Variants in SHQ1 observed in about 807,000 individuals in gnomAD.
The protein encoded by SHQ1 is protein SHQ1 homolog.
A neutral mutation model predicts 53.8 loss-of-function variants in SHQ1; 49 were observed. The ratio of observed to expected loss-of-function variants is 0.91; its 90% CI spans 0.72 to 1.16. SHQ1 has a LOEUF of 1.16. SHQ1 is among the 50% of genes most tolerant of loss of function. The pLI, the probability that SHQ1 is intolerant of heterozygous loss-of-function variation, is 0.00. For missense variants in SHQ1, 738 were observed against 683.1 expected (o/e 1.08, Z -0.90); for synonymous variants, 243 against 251.0 (o/e 0.97, Z 0.30).
At chr3:72,782,051 C>G (rs1011968250) in intron 10 of SHQ1, among the ~76,000 whole-genome samples, 4 of 152,026 alleles carry the variant, frequency 2.6e-5, no homozygotes, top group African/African-American at 4.8e-5. Context: ...CAGGAAAAGA[C>G]AGTAAGACAA....
At position 72,841,110 on chromosome 3, in the gene SHQ1, C is replaced by G; in HGVS notation, c.421G>C (p.Ala141Pro). Residue 141 changes from alanine (A) to proline (P), a missense_variant, in exon 4 of 11, where the codon GCT (alanine) becomes CCT (proline). Ala to Pro is a conservative substitution (Grantham distance 27). Coordinates refer to ENST00000325599, the MANE Select transcript of SHQ1 (RefSeq NM_018130.3). ...CCATAGTGGCACTGCGGATTCAAAG[C>G]ACTTTCTGATACCTCTTCACAGGGT... is the stretch of plus-strand genomic sequence containing the variant. ...QTPCEEVSES[A>P]LNPQCHYGFG... The G allele has an allele frequency of 6.2e-7, 1 of 1,614,066 alleles. No homozygotes were observed. Among genetic ancestry groups the G allele is most frequent in the Non-Finnish European group, 8.5e-7 (1 of 1,179,990 alleles).
At chr3:72,797,368 TC>T (rs1185860078) in intron 9 of SHQ1, among the ~76,000 whole-genome samples, 2 of 152,202 alleles carry the variant, frequency 1.3e-5, no homozygotes, top group Non-Finnish European at 1.5e-5. Context: ...TGAGAGCCCA[TC>T]ATGCACCTGG....
At chr3:72,830,735 AT>A (rs1227524857) in intron 5 of SHQ1, among the ~76,000 whole-genome samples, 1 of 152,174 alleles carries the variant, frequency 6.6e-6, no homozygotes. Context: ...AATTTAAACC[AT>A]TCTTGTAAGA....
At chr3:72,775,868 A>G (rs1446280437) in intron 10 of SHQ1, among the ~76,000 whole-genome samples, 6 of 152,248 alleles carry the variant, frequency 3.9e-5, no homozygotes, top group Non-Finnish European at 7.3e-5. Context: ...TCCATGCAAA[A>G]TAAGAATAAC....
chr3:72,765,557 A>ATATTTTTTTTTTT (rs1491527508), intron 10 of SHQ1, among the ~76,000 whole-genome samples: 12 of 57,184 alleles, frequency 2.1e-4, no homozygotes, highest in African/African-American at 8.7e-4. Flanking sequence ...ATATATATAT[A>ATATTTTTTTTTTT]TTTTTTTTTT....
At chr3:72,831,280 C>T (rs1036881857) in intron 5 of SHQ1, among the ~76,000 whole-genome samples, 1 of 152,158 alleles carries the variant, frequency 6.6e-6, no homozygotes, top group African/African-American at 2.4e-5. Flanking sequence ...AAGATATATC[C>T]CTGCCATTCC....
chr3:72,832,520 C>T (rs1456276676), intron 4 of SHQ1, 39 bp from the exon 5 acceptor site: 1 of 1,420,400 alleles, frequency 7.0e-7, no homozygotes, highest in African/African-American at 1.4e-5. Context: ...TTGCTATCTC[C>T]TATTTTTAGC....
At chr3:72,751,180 G>A (rs1268022747) in intron 10 of SHQ1, among the ~76,000 whole-genome samples, 2 of 152,158 alleles carry the variant, frequency 1.3e-5, no homozygotes, top group African/African-American at 4.8e-5. Context: ...GGAGGCTGAG[G>A]CGGGTGGATC....
At chr3:72,824,581 T>C (rs1422852041) in intron 5 of SHQ1, 30 bp from the exon 6 acceptor site, 2 of 1,587,756 alleles carry the variant, frequency 1.3e-6, no homozygotes, top group East Asian at 2.3e-5. Flanking sequence ...GAACTTACTA[T>C]ACAGGATTTC....
At chr3:72,779,775 A>C (rs1706034979) in intron 10 of SHQ1, among the ~76,000 whole-genome samples, 1 of 152,238 alleles carries the variant, frequency 6.6e-6, no homozygotes, top group African/African-American at 2.4e-5. Context: ...CCAAGCCTCA[A>C]GAGGAGAGCC....
intron 2 of SHQ1, among the ~76,000 whole-genome samples, chr3:72,843,019 G>A (rs981805811): frequency 3.3e-5 from 5 of 151,728 alleles, no homozygotes; most frequent in East Asian, 1.9e-4. Context: ...AGAGGTTGCT[G>A]TGAGCCGAGA....
the SHQ1 span, among the ~76,000 whole-genome samples, chr3:72,729,679 A>G: frequency 5.5e-3 from 835 of 152,354 alleles, 34 homozygotes; most frequent in Admixed American, 0.048. Flanking sequence ...TCACTTTGTA[A>G]TAACTCCTGA....
At chr3:72,725,934 G>T in the SHQ1 span, among the ~76,000 whole-genome samples, 5 of 152,174 alleles carry the variant, frequency 3.3e-5, no homozygotes, top group South Asian at 1.0e-3. Context: ...AGCACTTTAC[G>T]CATATTATTT....
rs1328874074 is a variant in SHQ1 at position 72,749,620 on chromosome 3, C to G, written c.*664G>C. The G allele has an allele frequency of 4.6e-6, 1 of 219,044 alleles. No individual in the cohort carries two copies. Among genetic ancestry groups the G allele is most frequent in the South Asian group, 1.8e-4 (1 of 5,406 alleles). 13.6% of individuals were successfully genotyped at this position (219,044 alleles called of 1,614,324 possible). A position where few individuals can be genotyped will look rare whatever the true frequency, so the allele number is the denominator to read the frequency against. ...GATAGTTTTACGCAGGGTATACATA[C>G]GCCAACACATTGTACACTTTTGATA... On this transcript the variant is annotated 3_prime_UTR_variant, in exon 11 of 11. Coordinates refer to ENST00000325599, the MANE Select transcript of SHQ1 (RefSeq NM_018130.3).
rs201278619 is a variant in SHQ1, at chr3:72,842,372, G to A, written c.239C>T (p.Thr80Ile). The change falls in exon 3 of 11, where the codon ACC becomes ATC. Residue 80 changes from threonine (T) to isoleucine (I), a missense_variant. Thr to Ile is a moderately conservative substitution (Grantham distance 89). Coordinates refer to ENST00000325599, the MANE Select transcript of SHQ1 (RefSeq NM_018130.3). ...CAGCCCCTCAAAATGCTGGCCAGGG[G>A]TTTCTTTGGGCAGGCGAATGGTAAA... is the stretch of plus-strand genomic sequence containing the variant. Reference protein sequence around the residue: ...GIFTIRLPKETPGQHFEGLNM... With the variant: ...GIFTIRLPKEIPGQHFEGLNM... 3 of 1,613,658 alleles carry A rather than the reference G, an allele frequency of 1.9e-6. No homozygotes were observed. Among genetic ancestry groups the A allele is most frequent in the African/African-American group, 2.7e-5 (2 of 75,026 alleles).
intron 10 of SHQ1, among the ~76,000 whole-genome samples, chr3:72,781,191 C>G (rs1706064035): frequency 6.6e-6 from 1 of 151,718 alleles, no homozygotes; most frequent in South Asian, 2.1e-4. Context: ...TCCCAAGTAG[C>G]TGGGATTACA....
intron 4 of SHQ1, among the ~76,000 whole-genome samples, chr3:72,835,670 G>C (rs1026217973): frequency 2.0e-5 from 3 of 152,112 alleles, no homozygotes; most frequent in African/African-American, 7.2e-5. Flanking sequence ...AGCCCATCTT[G>C]TTCTTCAACC....
chr3:72,808,430 C>T (rs1707020441), intron 9 of SHQ1, among the ~76,000 whole-genome samples: 1 of 152,124 alleles, frequency 6.6e-6, no homozygotes, highest in South Asian at 2.1e-4. Flanking sequence ...CTCTAAGTTA[C>T]ACAGATCTGG....
intron 4 of SHQ1, among the ~76,000 whole-genome samples, chr3:72,840,287 G>C (rs1389924329): frequency 2.0e-5 from 3 of 149,896 alleles, no homozygotes; most frequent in Non-Finnish European, 3.0e-5. Context: ...CAATAGGCTG[G>C]TCACAGTGGC....
Sources: gnomAD v4.1 joint callset for allele counts (sites outside exome capture counted in the v4.1 genomes callset) on GRCh38, gnomAD v4.1.1 for gene constraint, MANE v1.5 for transcripts, NCBI Gene and HGNC (gene_info 2026-07-23, HGNC 2026-07-21) for gene names.